Variants in SAMD11 observed in about 807,000 individuals in gnomAD.
SAMD11 encodes the protein sterile alpha motif domain-containing protein 11.
In SAMD11, 77 loss-of-function variants were observed where a neutral mutation model predicts 64.4. The observed-to-expected ratio is 1.20, with a 90% CI of 0.99 to 1.44. The LOEUF (loss-of-function observed/expected upper bound fraction) is 1.44, where lower values mean the gene tolerates loss of function less well. SAMD11 is among the 40% of genes most tolerant of loss of function. SAMD11 has a pLI of 0.00. For synonymous variants in SAMD11, 658 were observed against 421.9 expected, an observed-to-expected ratio of 1.56 and a Z score of -6.86; for missense variants, 1,402 against 943.3, an observed-to-expected ratio of 1.49 and a Z score of -6.37.
At chr1:928,309 A>G (rs7417994) in intron 2 of SAMD11, among the ~76,000 whole-genome samples, 127,333 of 152,222 alleles carry the variant, frequency 0.84, 56,641 homozygotes, top group Non-Finnish European at 0.99. Context: ...GGAGAATGGC[A>G]TGAACCCGGG....
At position 942,569 on chromosome 1, in the gene SAMD11, C is replaced by A; in HGVS notation, c.1564C>A (p.Pro522Thr). 7.1e-7 allele frequency: 1 copy of A among 1,403,438 alleles called. No homozygotes were observed. Among genetic ancestry groups the A allele is most frequent in the Non-Finnish European group, 9.2e-7 (1 of 1,087,862 alleles). 86.9% of individuals were successfully genotyped at this position (1,403,438 alleles called of 1,614,324 possible). ...RKQNLARLEL[P>T]ADLLRQKELE... ...CTGCCCCCGGCCCAGGCTGGAGCTG[C>A]CCGCCGACCTCCTGCGGCAGAAGGA... The change falls in exon 11 of 14, where the codon CCC (proline) becomes ACC (threonine). Residue 522 changes from proline to threonine, a missense_variant. By Grantham distance (38) the Pro-to-Thr change is conservative. Transcript: ENST00000616016.
intron 4 of SAMD11, among the ~76,000 whole-genome samples, chr1:933,003 G>A (rs1445359642): frequency 1.3e-5 from 2 of 152,214 alleles, no homozygotes; most frequent in Non-Finnish European, 2.9e-5. Context: ...ACACCTGCCA[G>A]GCTCTGGCCT....
rs533551753 is a variant in SAMD11, at chr1:936,424, G to A, written c.967+528G>A. 3.6e-3 allele frequency among the ~76,000 whole-genome samples: 494 copies of A among 139,020 alleles called. 26 individuals carry two copies. Among genetic ancestry groups the A allele is most frequent in the African/African-American group, 0.016 (475 of 29,606 alleles). 91.2% of individuals were successfully genotyped at this position (139,020 alleles called of 152,430 possible). ...CTCCTAGGGCTCCTGGACGGAGGGG[G>A]TCCCCGGTCGGTCCCGCCTTCTAGG... On this transcript the variant is annotated intron_variant, in intron 5 of 13. Coordinates refer to ENST00000616016, the MANE Select transcript of SAMD11 (RefSeq NM_001385641.1).
chr1:935,886 G>T lies in SAMD11; in HGVS notation c.957G>T (p.Leu319=). The change falls in exon 5 of 14, where the codon CTG becomes CTT. Residue 319 remains leucine (L), a synonymous_variant. Transcript: ENST00000616016. ...EFQRGSLEIG[L]RPAGDLLGKR... Reference sequence around the variant, plus strand: ...AGAGAGGCAGCCTGGAGATTGGCCTGCGACCCGCCGGTGAGGAGCACAGGG... The same window carrying T: ...AGAGAGGCAGCCTGGAGATTGGCCTTCGACCCGCCGGTGAGGAGCACAGGG... The T allele has an allele frequency of 6.2e-7, 1 of 1,611,718 alleles. No homozygotes were observed. The highest frequency in any genetic ancestry group is 8.5e-7 in the Non-Finnish European group (1 of 1,179,302).
chr1:927,538 C>T (rs78491778), intron 2 of SAMD11, among the ~76,000 whole-genome samples: 1 of 152,200 alleles, frequency 6.6e-6, no homozygotes, highest in African/African-American at 2.4e-5. Context: ...TGTCCCACAC[C>T]CTTCCCCTAG....
intron 5 of SAMD11, among the ~76,000 whole-genome samples, chr1:937,772 C>T (rs1047214967): frequency 2.0e-5 from 3 of 152,250 alleles, no homozygotes; most frequent in Admixed American, 6.5e-5. Context: ...GTGGGACTGA[C>T]CCTCTCTCTG....
Position 944,134 on chromosome 1 carries a change from C to G in SAMD11, c.2516C>G (p.Pro839Arg). 6.3e-7 allele frequency: 1 copy of G among 1,577,336 alleles called. No homozygotes were observed. The highest frequency in any genetic ancestry group is 8.6e-7 in the Non-Finnish European group (1 of 1,159,968). The change falls in exon 14 of 14, where the codon CCT (proline) becomes CGT (arginine). Residue 839 changes from proline to arginine, a missense_variant. Physicochemically the swap from Pro to Arg is moderately radical, Grantham distance 103. Transcript: ENST00000616016. ...TLALLPGAPD[P>R]SQPLC ...GCTCTACTTCCAGGGGCCCCCGACC[C>G]TTCCCAGCCTCTGTGTTGAGGTTGC...
intron 2 of SAMD11, among the ~76,000 whole-genome samples, chr1:926,270 C>A (rs1640884690): frequency 6.6e-6 from 1 of 152,240 alleles, no homozygotes; most frequent in Non-Finnish European, 1.5e-5. Flanking sequence ...TAGAGCCTCC[C>A]CTTGGGTGCC....
chr1:927,559 C>T (rs914829315), intron 2 of SAMD11, among the ~76,000 whole-genome samples: 2 of 152,222 alleles, frequency 1.3e-5, no homozygotes, highest in Non-Finnish European at 2.9e-5. Context: ...GAAGCAACTC[C>T]AGGGGCCCCT....
rs770001898 is a variant in SAMD11, at chr1:930,188, G to A, written c.643G>A (p.Ala215Thr). The part of the protein sequence containing the change: ...RGRLADKRTV[A>T]LPAARNLKKE... Reference sequence around the variant, plus strand: ...GCGGCTGGCAGACAAGAGGACAGTCGCCCTGCCTGCCGCCCGGAACCTGAA... The same window carrying A: ...GCGGCTGGCAGACAAGAGGACAGTCACCCTGCCTGCCGCCCGGAACCTGAA... Residue 215 changes from alanine (A) to threonine (T), a missense_variant, in exon 3 of 14, where the codon GCC (alanine) becomes ACC (threonine). Ala to Thr is a moderately conservative substitution (Grantham distance 58). Transcript: ENST00000616016. 14 of 1,561,292 alleles carry A rather than the reference G, an allele frequency of 9.0e-6. No homozygotes were observed. Among genetic ancestry groups the A allele is most frequent in the Admixed American group, 7.7e-5 (4 of 52,066 alleles).
At chr1:935,733 C>T (rs376251677) in intron 4 of SAMD11, 39 bp from the exon 5 acceptor site, 1 of 1,611,188 alleles carries the variant, frequency 6.2e-7, no homozygotes, top group Non-Finnish European at 8.5e-7. Flanking sequence ...AGCCTCGCAG[C>T]TGCCCACGGG....
chr1:929,259 C>CG (rs1310887102), intron 2 of SAMD11, among the ~76,000 whole-genome samples: 1 of 152,190 alleles, frequency 6.6e-6, no homozygotes, highest in Non-Finnish European at 1.5e-5. Context: ...GGGACCACAG[C>CG]GGGCGTGTCT....
intron 5 of SAMD11, among the ~76,000 whole-genome samples, chr1:936,816 C>T (rs919432264): frequency 1.3e-5 from 2 of 152,150 alleles, no homozygotes; most frequent in African/African-American, 4.8e-5. Context: ...AGCTGAGAGG[C>T]GGTTGATAAA....
intron 4 of SAMD11, among the ~76,000 whole-genome samples, chr1:935,163 A>C (rs1641363989): frequency 6.6e-6 from 1 of 152,186 alleles, no homozygotes; most frequent in African/African-American, 2.4e-5. Context: ...AAAAGAGTTA[A>C]ATGCATGTTG....
intron 4 of SAMD11, among the ~76,000 whole-genome samples, chr1:931,749 G>A (rs969408803): frequency 1.3e-5 from 2 of 152,256 alleles, no homozygotes; most frequent in African/African-American, 4.8e-5. Context: ...ATTGGATTCA[G>A]GCTGTGGAAG....
chr1:942,223 G>A lies in SAMD11; in HGVS notation c.1446G>A (p.Gly482=). Residue 482 remains glycine (G), a synonymous_variant, in exon 9 of 14, where the codon GGG becomes GGA. Coordinates refer to ENST00000616016, the MANE Select transcript of SAMD11 (RefSeq NM_001385641.1). ...LGPHLRPPFL[G]VPSALCQTPG... Reference sequence around the variant, plus strand: ...CCCATCTCAGGCCCCCCTTCCTGGGGGTGCCCTCGGCTCTGTGCCAGACCC... The same window carrying A: ...CCCATCTCAGGCCCCCCTTCCTGGGAGTGCCCTCGGCTCTGTGCCAGACCC... 1 of 1,355,492 alleles carries A rather than the reference G, an allele frequency of 7.4e-7. No individual in the cohort carries two copies. The highest frequency in any genetic ancestry group is 9.5e-7 in the Non-Finnish European group (1 of 1,047,266). The allele number at this position is 1,355,492 out of a possible 1,614,324, so 84.0% of individuals were successfully genotyped here.
At chr1:930,712 C>T (rs1361268090) in intron 3 of SAMD11, among the ~76,000 whole-genome samples, 1 of 152,226 alleles carries the variant, frequency 6.6e-6, no homozygotes, top group Admixed American at 6.5e-5. Context: ...GAAGCAGCCT[C>T]GGCCCCCACC....
rs1375871569 is a variant in SAMD11 at position 941,750 on chromosome 1, G to T, written c.1359-386G>T. On this transcript the variant is annotated intron_variant, in intron 8 of 13. Transcript: ENST00000616016. ...CGGGGCGGGGCGCCTGGAGAAGGGA[G>T]GGGCCGCCTGAGGCCCGAGTCCCTG... 3.3e-5 allele frequency among the ~76,000 whole-genome samples: 5 copies of T among 152,224 alleles called. No individual in the cohort carries two copies. The South Asian group carries it at 1.0e-3, about 32-fold the overall frequency.
rs762714178 is a variant in SAMD11 at position 935,756 on chromosome 1, C to T, written c.843-16C>T. ...AGCTGCCCACGGGGTCAGCTTTTCC[C>T]GGTCTCGTTCTGCAGCCAGGACGGC... is the stretch of plus-strand genomic sequence containing the variant. On this transcript the variant is annotated splice_polypyrimidine_tract_variant and intron_variant, in intron 4 of 13. Transcript: ENST00000616016. 1.4e-5 allele frequency: 22 copies of T among 1,612,928 alleles called. 1 individual carries two copies. Among genetic ancestry groups the T allele is most frequent in the South Asian group, 6.6e-5 (6 of 91,042 alleles).
Sources: allele counts gnomAD v4.1 joint callset (sites outside exome capture counted in the v4.1 genomes callset), GRCh38; gene constraint gnomAD v4.1.1; transcripts MANE v1.5; gene names NCBI Gene and HGNC (gene_info 2026-07-23, HGNC 2026-07-21).